The following OLFM2 variants were observed in gnomAD, a reference collection of about 807,000 sequenced individuals.
OLFM2 encodes the protein olfactomedin 2.
Under a neutral mutation model 43.9 loss-of-function variants are expected in OLFM2, and 20 were observed. That is an observed-to-expected ratio of 0.46 (90% CI 0.32 to 0.66). The LOEUF is 0.66. Among genes scored for constraint, OLFM2 ranks in the 30% least tolerant of loss-of-function variants. The pLI is 0.04. For missense variants in OLFM2, 416 were observed against 643.6 expected (o/e 0.65, Z 3.83); for synonymous variants, 268 against 278.6 (o/e 0.96, Z 0.38).
At position 9,854,037 on chromosome 19, in the gene OLFM2, C is replaced by T. The variant is rs2046292319; in HGVS notation, c.*149G>A. Reference sequence around the variant, plus strand: ...GAAATTGAAAAAATAGACAGAAATACATAGGCAGAGAACAAAAGCCCAGCA... The same window carrying T: ...GAAATTGAAAAAATAGACAGAAATATATAGGCAGAGAACAAAAGCCCAGCA... On this transcript the variant is annotated 3_prime_UTR_variant, in exon 6 of 6. Coordinates refer to ENST00000264833, the MANE Select transcript of OLFM2 (RefSeq NM_058164.4). The surrounding 1 kb of genome is among the most constrained non-coding windows in gnomAD (Gnocchi z 9.5). 3 of 660,508 alleles carry T rather than the reference C, an allele frequency of 4.5e-6. No homozygotes were observed. The highest frequency in any genetic ancestry group is 7.8e-6 in the Non-Finnish European group (3 of 385,258). The allele number at this position is 660,508 out of a possible 1,614,324, so 40.9% of individuals were successfully genotyped here. A position where few individuals can be genotyped will look rare whatever the true frequency, so the allele number is the denominator to read the frequency against.
At chr19:9,866,126 C>T (rs1369242622) in intron 1 of OLFM2, among the ~76,000 whole-genome samples, 2 of 152,224 alleles carry the variant, frequency 1.3e-5, no homozygotes, top group Non-Finnish European at 2.9e-5. Context: ...TTGGACGCAT[C>T]TCACCGGAGT....
At chr19:9,882,428 C>T (rs570395273) in intron 1 of OLFM2, among the ~76,000 whole-genome samples, 21 of 151,796 alleles carry the variant, frequency 1.4e-4, no homozygotes, top group Admixed American at 1.2e-3. Context: ...GTCCCAGCTA[C>T]TCGGGAGGCT....
At chr19:9,876,654 C>G (rs1024766810) in intron 1 of OLFM2, among the ~76,000 whole-genome samples, 1 of 152,090 alleles carries the variant, frequency 6.6e-6, no homozygotes, top group Non-Finnish European at 1.5e-5. Context: ...GGTGGGAGGA[C>G]GTGGTCATTA....
rs1480444189 is a variant in OLFM2 at position 9,920,703 on chromosome 19, C to CTGGCCAACATGGCA, written c.63+15587_63+15600dup. The stretch of plus-strand genomic sequence containing the variant: ...TTGAGGCCAGGAGTTCGAGACCACC[C>CTGGCCAACATGGCA]TGGCCAACATGGCAAAACTCTGTGT... On this transcript the variant is annotated intron_variant, in intron 1 of 5. Transcript: ENST00000264833. Among the ~76,000 whole-genome samples the CTGGCCAACATGGCA allele has an allele frequency of 6.7e-5, 10 of 148,892 alleles. No homozygotes were observed. In the East Asian group the frequency reaches 1.2e-3, roughly 18 times the overall value.
intron 1 of OLFM2, among the ~76,000 whole-genome samples, chr19:9,928,722 T>C (rs1184061197): frequency 1.3e-5 from 2 of 151,862 alleles, no homozygotes; most frequent in Admixed American, 1.3e-4. Flanking sequence ...TGAGAATTGC[T>C]TGAACCCAGG....
At chr19:9,877,229 CAAA>C (rs1284739436) in intron 1 of OLFM2, among the ~76,000 whole-genome samples, 4 of 45,380 alleles carry the variant, frequency 8.8e-5, no homozygotes, top group Non-Finnish European at 1.9e-4. Flanking sequence ...GACTCCATCT[CAAA>C]AAAAAAAAAA....
rs1338805724 is a variant in OLFM2, at chr19:9,856,998, T to C, written c.581-85A>G. The stretch of plus-strand genomic sequence containing the variant: ...GCAAAGATGAAGTGCTGTGATCAAG[T>C]TGGGAAAGCTGGGACCAGGGATGAG... On this transcript the variant is annotated intron_variant, in intron 4 of 5. Transcript: ENST00000264833. This position sits in a 1 kb window ranked among gnomAD's most constrained non-coding sequence, Gnocchi z 4.0. 1.8e-5 allele frequency: 21 copies of C among 1,182,394 alleles called. No individual in the cohort carries two copies. In the South Asian group the frequency reaches 2.5e-4, roughly 14 times the overall value. The allele number at this position is 1,182,394 out of a possible 1,614,324, so 73.2% of individuals were successfully genotyped here.
intron 1 of OLFM2, among the ~76,000 whole-genome samples, chr19:9,902,243 G>T (rs1044467299): frequency 9.2e-5 from 14 of 151,708 alleles, no homozygotes; most frequent in South Asian, 2.1e-4. Context: ...TTAACCAGGA[G>T]GGTCTCGATC....
chr19:9,867,220 A>G (rs12460159), intron 1 of OLFM2, among the ~76,000 whole-genome samples: 34,172 of 151,948 alleles, frequency 0.22, 3,960 homozygotes, highest in South Asian at 0.27. Flanking sequence ...AAAATACAAA[A>G]ATTAGCCAGA....
At chr19:9,900,370 G>A (rs958513552) in intron 1 of OLFM2, among the ~76,000 whole-genome samples, 6 of 152,082 alleles carry the variant, frequency 3.9e-5, no homozygotes, top group African/African-American at 1.4e-4. Context: ...GGCACACCAC[G>A]GTGGACACAA....
At chr19:9,871,345 G>A (rs1342346802) in intron 1 of OLFM2, among the ~76,000 whole-genome samples, 3 of 151,706 alleles carry the variant, frequency 2.0e-5, no homozygotes, top group Non-Finnish European at 4.4e-5. Flanking sequence ...GGCCAAGGCA[G>A]GCGGATCACA....
At chr19:9,863,186 T>C (rs189851886) in intron 1 of OLFM2, among the ~76,000 whole-genome samples, 3 of 152,182 alleles carry the variant, frequency 2.0e-5, no homozygotes. Flanking sequence ...GGCAGGACCA[T>C]GCCTGGTGTG....
intron 1 of OLFM2, among the ~76,000 whole-genome samples, chr19:9,903,187 C>A (rs918538): frequency 0.45 from 68,954 of 152,046 alleles, 15,888 homozygotes; most frequent in Admixed American, 0.57. Flanking sequence ...AGCCACTGCA[C>A]CTGGCCATTG....
chr19:9,885,189 T>C (rs536891510), intron 1 of OLFM2, among the ~76,000 whole-genome samples: 14 of 152,308 alleles, frequency 9.2e-5, no homozygotes, highest in African/African-American at 3.4e-4. Context: ...ATGGGAGTGA[T>C]AGTAGTGCCT....
At chr19:9,885,050 G>A (rs998971305) in intron 1 of OLFM2, among the ~76,000 whole-genome samples, 1 of 152,204 alleles carries the variant, frequency 6.6e-6, no homozygotes, top group African/African-American at 2.4e-5. Context: ...AGGTAGTTGA[G>A]TGTAGCTGTG....
intron 1 of OLFM2, among the ~76,000 whole-genome samples, chr19:9,883,068 G>C (rs1037888162): frequency 2.6e-5 from 4 of 151,900 alleles, no homozygotes; most frequent in African/African-American, 9.7e-5. Context: ...AAATTAGCCA[G>C]GAGTGGTGAC....
In OLFM2 at chr19:9,854,486, G is replaced by C. The variant is rs755881905; in HGVS notation, c.1065C>G (p.Leu355=). ...IVVSRLDPHT[L]EVMRSWDTGY... ...CGGTGTCCCAGGACCGCATGACCTC[G>C]AGGGTGTGCGGGTCCAGCCGGCTGA... Residue 355 remains leucine (L), a synonymous_variant, in exon 6 of 6, where the codon CTC becomes CTG. Coordinates refer to ENST00000264833, the MANE Select transcript of OLFM2 (RefSeq NM_058164.4). This position sits in a 1 kb window ranked among gnomAD's most constrained non-coding sequence, Gnocchi z 9.5. 6.2e-7 allele frequency: 1 copy of C among 1,613,996 alleles called. No individual in the cohort carries two copies. Among genetic ancestry groups the C allele is most frequent in the Non-Finnish European group, 8.5e-7 (1 of 1,180,038 alleles).
At chr19:9,875,508 TAGC>T (rs2046478099) in intron 1 of OLFM2, among the ~76,000 whole-genome samples, 1 of 115,282 alleles carries the variant, frequency 8.7e-6, no homozygotes, top group African/African-American at 3.3e-5. Flanking sequence ...GAAGATGAAT[TAGC>T]AGCTTTTTTT....
chr19:9,895,338 T>A (rs1259890569), intron 1 of OLFM2, among the ~76,000 whole-genome samples: 1 of 151,838 alleles, frequency 6.6e-6, no homozygotes, highest in East Asian at 1.9e-4. Context: ...AAAAAAAATT[T>A]TTTTTTAATT....
Sources: allele counts gnomAD v4.1 joint callset (sites outside exome capture counted in the v4.1 genomes callset), GRCh38; gene constraint gnomAD v4.1.1; non-coding constraint Gnocchi (gnomAD v3.1); transcripts MANE v1.5; gene names NCBI Gene and HGNC (gene_info 2026-07-23, HGNC 2026-07-21).